The following JAK1 variants were observed in gnomAD, a reference collection of about 807,000 sequenced individuals.
JAK1 encodes Janus kinase 1.
Under a neutral mutation model 136.6 loss-of-function variants are expected in JAK1, and 16 were observed. The ratio of observed to expected loss-of-function variants is 0.12; its 90% CI spans 0.08 to 0.18. JAK1 has a LOEUF of 0.18. Ranked by LOEUF, JAK1 falls within the 10% of genes least tolerant of loss-of-function variation. The probability of loss-of-function intolerance (pLI) is 1.00; values close to 1 mark genes in which losing one functional copy is unlikely to be tolerated. For missense variants in JAK1, 859 were observed against 1,450.1 expected (o/e 0.59, Z 6.62); for synonymous variants, 492 against 519.5 (o/e 0.95, Z 0.72).
chr1:64,933,614 A>G (rs1286143635), intron 1 of JAK1, among the ~76,000 whole-genome samples: 3 of 152,220 alleles, frequency 2.0e-5, no homozygotes. Context: ...AGTTATTCAA[A>G]TGACACATCG....
At chr1:64,910,420 T>A (rs1645263429) in intron 1 of JAK1, among the ~76,000 whole-genome samples, 1 of 152,240 alleles carries the variant, frequency 6.6e-6, no homozygotes, top group African/African-American at 2.4e-5. Context: ...ATTTGAGGAA[T>A]GAAAAGTTTT....
At chr1:64,878,563 A>ATATATATG (rs1644714972) in intron 4 of JAK1, among the ~76,000 whole-genome samples, 2 of 10,882 alleles carry the variant, frequency 1.8e-4, no homozygotes, top group East Asian at 6.2e-3. Context: ...TATAGTGTGT[A>ATATATATG]TATATATATA....
intron 2 of JAK1, among the ~76,000 whole-genome samples, chr1:65,038,124 G>C (rs1372389034): frequency 2.7e-5 from 4 of 147,948 alleles, no homozygotes; most frequent in Middle Eastern, 3.4e-3. Context: ...ACAGGGCACT[G>C]TGTCCAGAAG....
rs1312736393 is a variant in JAK1 at position 64,845,566 on chromosome 1, T to C, written c.2062A>G (p.Thr688Ala). 10 of 1,614,138 alleles carry C rather than the reference T, an allele frequency of 6.2e-6. No individual in the cohort carries two copies. The highest frequency in any genetic ancestry group is 7.6e-6 in the Non-Finnish European group (9 of 1,180,012). The change falls in exon 15 of 25, where the codon ACA (threonine) becomes GCA (alanine). Residue 688 changes from threonine (T) to alanine (A), a missense_variant. By Grantham distance (58) the Thr-to-Ala change is moderately conservative (BLOSUM62 0). This residue lies in a region of JAK1 where 409 missense variants were observed against 753.8 expected (regional missense o/e 0.54). Coordinates refer to ENST00000342505, the MANE Select transcript of JAK1 (RefSeq NM_002227.4). ...TTGGCAACTTTGAATTTCCATGGTGTGGTAAGGACATCGCTTTTCCGGTGC... is the reference window on the plus strand; with the variant it reads ...TTGGCAACTTTGAATTTCCATGGTGCGGTAAGGACATCGCTTTTCCGGTGC... The part of the protein sequence containing the change: ...FMHRKSDVLT[T>A]PWKFKVAKQL...
intron 1 of JAK1, among the ~76,000 whole-genome samples, chr1:64,932,712 T>A (rs576476731): frequency 3.3e-5 from 5 of 152,260 alleles, no homozygotes; most frequent in Admixed American, 3.3e-4. Context: ...ACGCTATGGT[T>A]TGTTTTTTTT....
intron 2 of JAK1, among the ~76,000 whole-genome samples, chr1:65,043,309 CT>C (rs1210692074): frequency 2.6e-5 from 4 of 152,230 alleles, no homozygotes; most frequent in East Asian, 3.9e-4. Flanking sequence ...TCCACAAGGT[CT>C]CCTAGCTAGG....
chr1:64,991,030 C>A (rs923835163), intron 2 of JAK1, among the ~76,000 whole-genome samples: 9 of 144,096 alleles, frequency 6.2e-5, no homozygotes, highest in Non-Finnish European at 9.1e-5. Context: ...AACTTTAAAA[C>A]AATGCTCTTA....
intron 2 of JAK1, among the ~76,000 whole-genome samples, chr1:65,017,030 A>T (rs115846584): frequency 0.013 from 1,975 of 152,370 alleles, 53 homozygotes; most frequent in African/African-American, 0.045. Flanking sequence ...AAATATAAAA[A>T]TTTTGAATTT....
chr1:65,030,950 T>G (rs1647017708), intron 2 of JAK1, among the ~76,000 whole-genome samples: 1 of 151,766 alleles, frequency 6.6e-6, no homozygotes, highest in Non-Finnish European at 1.5e-5. Flanking sequence ...GCCTAGGAGT[T>G]TAAGACCCCC....
At chr1:64,891,061 T>C (rs1287996344) in intron 1 of JAK1, among the ~76,000 whole-genome samples, 1 of 152,112 alleles carries the variant, frequency 6.6e-6, no homozygotes, top group African/African-American at 2.4e-5. Flanking sequence ...CAACAGAGTT[T>C]AGCATGCAGT....
intron 1 of JAK1, among the ~76,000 whole-genome samples, chr1:64,937,726 C>T (rs981387584): frequency 2.0e-5 from 3 of 152,112 alleles, no homozygotes; most frequent in Non-Finnish European, 4.4e-5. Context: ...TCAGACATAT[C>T]CTTAAAGCGA....
intron 1 of JAK1, among the ~76,000 whole-genome samples, chr1:64,952,614 T>C (rs1414899701): frequency 1.3e-5 from 2 of 152,150 alleles, no homozygotes; most frequent in Non-Finnish European, 1.5e-5. Flanking sequence ...TGAGAATGTA[T>C]TGCACACTAG....
intron 2 of JAK1, among the ~76,000 whole-genome samples, chr1:64,980,935 T>G (rs1289788790): frequency 6.6e-6 from 1 of 152,254 alleles, no homozygotes; most frequent in Non-Finnish European, 1.5e-5. Flanking sequence ...TAGTATTCCA[T>G]GGTGTATATG....
chr1:64,855,447 C>T (rs376208156), intron 11 of JAK1, 62 bp downstream of exon 11: 16 of 1,497,336 alleles, frequency 1.1e-5, no homozygotes, highest in African/African-American at 2.8e-5. Flanking sequence ...GTGTTTTGGT[C>T]GATCTGGGTC....
intron 1 of JAK1, among the ~76,000 whole-genome samples, chr1:64,901,173 G>C (rs1159411363): frequency 6.6e-6 from 1 of 152,164 alleles, no homozygotes; most frequent in Non-Finnish European, 1.5e-5. Flanking sequence ...TTCAATAAAT[G>C]TCTGTGTAAG....
chr1:65,018,555 T>C (rs889569342), intron 2 of JAK1, among the ~76,000 whole-genome samples: 1 of 151,710 alleles, frequency 6.6e-6, no homozygotes, highest in East Asian at 1.9e-4. Context: ...ACTCCAGATG[T>C]TGTACACACT....
intron 2 of JAK1, among the ~76,000 whole-genome samples, chr1:64,988,562 A>C (rs1557745107): frequency 6.6e-6 from 1 of 152,170 alleles, no homozygotes. Context: ...GCTTACAGCC[A>C]CCAAGTGGAT....
intron 2 of JAK1, among the ~76,000 whole-genome samples, chr1:65,020,970 A>G (rs1055299119): frequency 6.6e-6 from 1 of 152,180 alleles, no homozygotes; most frequent in East Asian, 1.9e-4. Flanking sequence ...TATGACCTCT[A>G]GTGGAAAGAC....
At chr1:65,035,355 A>G (rs1275030424) in intron 2 of JAK1, among the ~76,000 whole-genome samples, 1 of 152,160 alleles carries the variant, frequency 6.6e-6, no homozygotes, top group Non-Finnish European at 1.5e-5. Flanking sequence ...TCATAATCTG[A>G]TATAGAATGT....
Sources: gnomAD v4.1 joint callset for allele counts (sites outside exome capture counted in the v4.1 genomes callset) on GRCh38, gnomAD v4.1.1 for gene constraint, gnomAD v4.1.1 regional missense constraint, MANE v1.5 for transcripts, NCBI Gene and HGNC (gene_info 2026-07-23, HGNC 2026-07-21) for gene names.